ZFHX3: variants seen among roughly 807,000 people sequenced by gnomAD.
ZFHX3 encodes zinc finger homeobox protein 3.
Under a neutral mutation model 279.1 loss-of-function variants are expected in ZFHX3, and 42 were observed. That is an observed-to-expected ratio of 0.15 (90% CI 0.12 to 0.19). The LOEUF is 0.19. Among genes scored for constraint, ZFHX3 ranks in the 10% least tolerant of loss-of-function variants. The pLI is 1.00. For missense variants in ZFHX3, 4,981 were observed against 4,754.0 expected, an observed-to-expected ratio of 1.05 and a Z score of -1.40; for synonymous variants, 2,293 against 1,957.8, an observed-to-expected ratio of 1.17 and a Z score of -4.52.
intron 2 of ZFHX3, among the ~76,000 whole-genome samples, chr16:73,534,729 CCAT>C (rs1470044762): frequency 6.6e-6 from 1 of 152,182 alleles, no homozygotes; most frequent in African/African-American, 2.4e-5. Context: ...ATCACTACCG[CCAT>C]CATCGTAATC....
chr16:73,149,345 T>C (rs1260754226), intron 5 of ZFHX3, among the ~76,000 whole-genome samples: 1 of 151,200 alleles, frequency 6.6e-6, no homozygotes, highest in Non-Finnish European at 1.5e-5. Flanking sequence ...TATTTTGTTA[T>C]ATTAATAAAA....
chr16:73,890,329 T>C (rs1225015111), intron 1 of ZFHX3, among the ~76,000 whole-genome samples: 2 of 151,450 alleles, frequency 1.3e-5, no homozygotes, highest in African/African-American at 4.8e-5. Flanking sequence ...GCATACAAAA[T>C]AGCCAAAAGG....
At chr16:73,653,956 G>A (rs910598279) in intron 2 of ZFHX3, among the ~76,000 whole-genome samples, 33 of 152,090 alleles carry the variant, frequency 2.2e-4, no homozygotes, top group Admixed American at 1.3e-4. Context: ...AGGCCGAGGC[G>A]GGTGGATCAC....
At chr16:73,440,186 C>A (rs2018065274) in intron 3 of ZFHX3, among the ~76,000 whole-genome samples, 1 of 152,186 alleles carries the variant, frequency 6.6e-6, no homozygotes, top group Admixed American at 6.6e-5. Flanking sequence ...AAGTGCAAAT[C>A]AGAAAGTCAA....
At chr16:73,505,676 A>T (rs2019315276) in intron 2 of ZFHX3, among the ~76,000 whole-genome samples, 1 of 152,172 alleles carries the variant, frequency 6.6e-6, no homozygotes. Flanking sequence ...CAGGCTTAAA[A>T]CTTGCCTTCT....
At chr16:72,920,870 G>C (rs2039566789) in intron 3 of ZFHX3, among the ~76,000 whole-genome samples, 1 of 151,766 alleles carries the variant, frequency 6.6e-6, no homozygotes, top group Admixed American at 6.6e-5. Context: ...AGTAGTTTGA[G>C]ACCAGCCTGG....
chr16:73,214,209 G>T (rs904868301), intron 5 of ZFHX3, among the ~76,000 whole-genome samples: 1 of 152,140 alleles, frequency 6.6e-6, no homozygotes, highest in Non-Finnish European at 1.5e-5. Context: ...ATGGGCTTGG[G>T]CCAAGAGTCA....
In ZFHX3 at chr16:72,837,201, T is replaced by C. The variant is rs116196191; in HGVS notation, c.3449-7342A>G. Among the ~76,000 whole-genome samples the C allele has an allele frequency of 6.3e-3, 952 of 152,240 alleles. 6 individuals carry two copies. The highest frequency in any genetic ancestry group is 0.022 in the African/African-American group (899 of 41,526). On this transcript the variant is annotated intron_variant, in intron 4 of 9. Coordinates refer to ENST00000268489, the MANE Select transcript of ZFHX3 (RefSeq NM_006885.4). ...CTTTTCCATTTTCTCACCCACTTAA[T>C]CTCTCTGCCATGTGAAAGACCTCTC... is the stretch of plus-strand genomic sequence containing the variant.
intron 4 of ZFHX3, among the ~76,000 whole-genome samples, chr16:73,316,912 G>A (rs988825422): frequency 6.6e-6 from 1 of 152,088 alleles, no homozygotes; most frequent in East Asian, 1.9e-4. Context: ...AGTGTTTCCT[G>A]GCTGATTTTG....
chr16:73,521,514 T>C (rs1212346381), intron 2 of ZFHX3, among the ~76,000 whole-genome samples: 1 of 151,782 alleles, frequency 6.6e-6, no homozygotes, highest in African/African-American at 2.4e-5. Flanking sequence ...GGAGGTAGGG[T>C]GGTGATGTCT....
chr16:72,992,809 A>G (rs550480133), intron 1 of ZFHX3, among the ~76,000 whole-genome samples: 39 of 152,380 alleles, frequency 2.6e-4, no homozygotes, highest in Non-Finnish European at 4.4e-5. Context: ...CAGCCGCGGA[A>G]GGAAGGCACC....
intron 7 of ZFHX3, among the ~76,000 whole-genome samples, chr16:73,119,694 C>T (rs949960339): frequency 2.0e-5 from 3 of 152,100 alleles, no homozygotes; most frequent in Non-Finnish European, 2.9e-5. Context: ...TTTTATTTTA[C>T]GTCTTTTAGA....
At chr16:72,829,214 T>C (rs1324067174) in intron 5 of ZFHX3, among the ~76,000 whole-genome samples, 3 of 148,848 alleles carry the variant, frequency 2.0e-5, no homozygotes. Context: ...GGACTCGCTA[T>C]GTTGCCCAGG....
intron 1 of ZFHX3, among the ~76,000 whole-genome samples, chr16:73,025,800 A>T (rs945177249): frequency 7.9e-5 from 12 of 152,190 alleles, no homozygotes; most frequent in Non-Finnish European, 2.9e-5. Flanking sequence ...AAGAAAAGTG[A>T]TCCAACTCTT....
At chr16:73,555,010 A>G (rs1168256362) in intron 2 of ZFHX3, among the ~76,000 whole-genome samples, 1 of 152,194 alleles carries the variant, frequency 6.6e-6, no homozygotes, top group Non-Finnish European at 1.5e-5. Flanking sequence ...CCCTAAGTGA[A>G]GACTTACAGT....
At chr16:73,853,607 T>C (rs1961645061) in intron 1 of ZFHX3, among the ~76,000 whole-genome samples, 1 of 152,154 alleles carries the variant, frequency 6.6e-6, no homozygotes, top group Non-Finnish European at 1.5e-5. Context: ...ATGTTCTCAC[T>C]TATAAGTAGG....
Position 72,795,514 on chromosome 16 carries a change from C to G in ZFHX3, c.7168G>C (p.Ala2390Pro), listed in dbSNP as rs1485874032. The G allele has an allele frequency of 6.2e-7, 1 of 1,614,078 alleles. No homozygotes were observed. Among genetic ancestry groups the G allele is most frequent in the East Asian group, 2.2e-5 (1 of 44,866 alleles). The change falls in exon 9 of 10, where the codon GCT becomes CCT. Residue 2390 changes from alanine to proline, a missense_variant. Ala to Pro is a conservative substitution (Grantham distance 27, BLOSUM62 -1). Around this residue, in one of 7 missense-constraint regions of ZFHX3, gnomAD observed 744 missense variants for 701.3 expected, o/e 1.06. Coordinates refer to ENST00000268489, the MANE Select transcript of ZFHX3 (RefSeq NM_006885.4). ...SSCSTPMPSQ[A>P]YSAPAPSANN... Reference sequence around the variant, plus strand: ...GCTGATGGTGCTGGGGCGCTGTAAGCCTGTGAGGGCATCGGGGTACTGCAG... The same window carrying G: ...GCTGATGGTGCTGGGGCGCTGTAAGGCTGTGAGGGCATCGGGGTACTGCAG...
At chr16:73,104,189 G>A (rs1174808332) in intron 7 of ZFHX3, among the ~76,000 whole-genome samples, 1 of 150,348 alleles carries the variant, frequency 6.7e-6, no homozygotes, top group East Asian at 1.9e-4. Context: ...TCCACGTTTT[G>A]GAATTATGTG....
At chr16:72,945,280 A>T (rs1330570578) in intron 3 of ZFHX3, among the ~76,000 whole-genome samples, 1 of 152,202 alleles carries the variant, frequency 6.6e-6, no homozygotes, top group African/African-American at 2.4e-5. Flanking sequence ...TGATGGATGA[A>T]CTTGGTCCTA....
Sources: allele counts gnomAD v4.1 joint callset (sites outside exome capture counted in the v4.1 genomes callset), GRCh38; gene constraint gnomAD v4.1.1; regional missense constraint gnomAD v4.1.1; transcripts MANE v1.5; gene names NCBI Gene and HGNC (gene_info 2026-07-23, HGNC 2026-07-21).